Variants in EFNA5 observed in about 807,000 individuals in gnomAD.
The protein encoded by EFNA5 is ephrin-A5.
EFNA5 carries 5 observed loss-of-function variants against 22.9 expected under a neutral mutation model. The ratio of observed to expected loss-of-function variants is 0.22; its 90% CI spans 0.11 to 0.46. The LOEUF (loss-of-function observed/expected upper bound fraction) is 0.46, where lower values mean the gene tolerates loss of function less well. Ranked by LOEUF, EFNA5 falls within the 20% of genes least tolerant of loss-of-function variation. The pLI is 0.99. For synonymous variants in EFNA5, 113 were observed against 112.2 expected (o/e 1.01, Z -0.04); for missense variants, 237 against 293.3 (o/e 0.81, Z 1.40).
chr5:107,650,552 T>A (rs950190711), intron 1 of EFNA5, among the ~76,000 whole-genome samples: 1 of 152,186 alleles, frequency 6.6e-6, no homozygotes, highest in African/African-American at 2.4e-5. Context: ...AAATGATTAT[T>A]TCTTGCTCAA....
intron 1 of EFNA5, among the ~76,000 whole-genome samples, chr5:107,600,882 G>A (rs1749578156): frequency 6.6e-6 from 1 of 152,134 alleles, no homozygotes; most frequent in African/African-American, 2.4e-5. Context: ...GCTGAGGACA[G>A]GTTAGAGGAG....
chr5:107,666,735 G>A (rs1024733491), intron 1 of EFNA5, among the ~76,000 whole-genome samples: 1 of 152,058 alleles, frequency 6.6e-6, no homozygotes, highest in African/African-American at 2.4e-5. Flanking sequence ...ACCAGTAGGA[G>A]ATATGTTTAA....
chr5:107,553,854 AG>A (rs1748352470), intron 1 of EFNA5, among the ~76,000 whole-genome samples: 1 of 152,182 alleles, frequency 6.6e-6, no homozygotes, highest in African/African-American at 2.4e-5. Context: ...TTCTTCACAG[AG>A]TCAGTTAAAA....
chr5:107,455,067 C>G (rs146956081), intron 1 of EFNA5, among the ~76,000 whole-genome samples: 19 of 152,314 alleles, frequency 1.2e-4, no homozygotes, highest in African/African-American at 4.6e-4. Context: ...AAACCCTCAA[C>G]TGGTGCCTCC....
chr5:107,536,976 C>G (rs1747943434), intron 1 of EFNA5, among the ~76,000 whole-genome samples: 1 of 150,590 alleles, frequency 6.6e-6, no homozygotes, highest in Non-Finnish European at 1.5e-5. Context: ...GTGGTGGCGG[C>G]TGCCTGTAAT....
intron 1 of EFNA5, among the ~76,000 whole-genome samples, chr5:107,654,802 G>T (rs891682507): frequency 5.3e-5 from 8 of 152,112 alleles, no homozygotes; most frequent in Non-Finnish European, 1.2e-4. Context: ...AAAATAATGA[G>T]GTAAAAGGTG....
intron 1 of EFNA5, among the ~76,000 whole-genome samples, chr5:107,474,286 C>T (rs1750221599): frequency 6.6e-6 from 1 of 152,146 alleles, no homozygotes; most frequent in African/African-American, 2.4e-5. Flanking sequence ...AGGTACCTGC[C>T]GGCTGCATTA....
At chr5:107,625,439 C>G (rs1194645696) in intron 1 of EFNA5, among the ~76,000 whole-genome samples, 1 of 151,890 alleles carries the variant, frequency 6.6e-6, no homozygotes, top group Non-Finnish European at 1.5e-5. Context: ...AGGCAGCATG[C>G]CTTGTTGATT....
At chr5:107,474,187 T>C (rs27442) in intron 1 of EFNA5, among the ~76,000 whole-genome samples, 151,704 of 152,264 alleles carry the variant, frequency 1, 75,574 homozygotes, top group Middle Eastern at 1. Context: ...GATGATCAGA[T>C]GCCACTGGCT....
intron 2 of EFNA5, among the ~76,000 whole-genome samples, chr5:107,406,652 C>T (rs1748230700): frequency 6.6e-6 from 1 of 152,152 alleles, no homozygotes; most frequent in African/African-American, 2.4e-5. Flanking sequence ...ACTTTTCCAT[C>T]ATAGTACTTA....
intron 1 of EFNA5, among the ~76,000 whole-genome samples, chr5:107,482,911 T>TAC (rs140110437): frequency 1.2e-4 from 17 of 138,510 alleles, no homozygotes; most frequent in South Asian, 9.7e-4. Flanking sequence ...TATATACACA[T>TAC]ACACACACAC....
intron 1 of EFNA5, among the ~76,000 whole-genome samples, chr5:107,429,264 G>A (rs1015219660): frequency 3.3e-5 from 5 of 152,136 alleles, no homozygotes; most frequent in African/African-American, 7.2e-5. Flanking sequence ...CCAACATGGC[G>A]AAACCTTGTC....
chr5:107,443,515 T>C (rs1749313954), intron 1 of EFNA5, among the ~76,000 whole-genome samples: 1 of 152,196 alleles, frequency 6.6e-6, no homozygotes, highest in Non-Finnish European at 1.5e-5. Context: ...GAAACTACTG[T>C]ACAGTGCTGT....
intron 2 of EFNA5, among the ~76,000 whole-genome samples, chr5:107,425,470 C>T (rs1012624908): frequency 6.6e-6 from 1 of 152,174 alleles, no homozygotes; most frequent in Admixed American, 6.5e-5. Flanking sequence ...AAGTCCTCCT[C>T]TTTCCTTTTT....
chr5:107,569,746 G>A (rs1263647995), intron 1 of EFNA5, among the ~76,000 whole-genome samples: 3 of 147,236 alleles, frequency 2.0e-5, no homozygotes, highest in Non-Finnish European at 3.0e-5. Context: ...CAGCTACTTG[G>A]GAGGCTGAGG....
At chr5:107,419,359 A>G (rs1260723351) in intron 2 of EFNA5, among the ~76,000 whole-genome samples, 4 of 152,216 alleles carry the variant, frequency 2.6e-5, no homozygotes, top group Admixed American at 1.3e-4. Context: ...AAAAAGGTGC[A>G]TTATTGCAGC....
intron 1 of EFNA5, among the ~76,000 whole-genome samples, chr5:107,458,038 A>G (rs1372715786): frequency 6.6e-6 from 1 of 152,144 alleles, no homozygotes; most frequent in Non-Finnish European, 1.5e-5. Context: ...TCCAAATCCC[A>G]TGCTGTTCCC....
At chr5:107,596,712 G>A (rs6596741) in intron 1 of EFNA5, among the ~76,000 whole-genome samples, 80,755 of 151,786 alleles carry the variant, frequency 0.53, 24,213 homozygotes, top group African/African-American at 0.8. Context: ...CTCTCTCCCA[G>A]CAAAAGGAGG....
chr5:107,452,044 A>G (rs1184574262), intron 1 of EFNA5, among the ~76,000 whole-genome samples: 1 of 152,244 alleles, frequency 6.6e-6, no homozygotes, highest in Non-Finnish European at 1.5e-5. Flanking sequence ...CTATGCAGCC[A>G]TAAAAAGGAA....
Sources: allele counts gnomAD v4.1 joint callset (sites outside exome capture counted in the v4.1 genomes callset), GRCh38; gene constraint gnomAD v4.1.1; transcripts MANE v1.5; gene names NCBI Gene and HGNC (gene_info 2026-07-23, HGNC 2026-07-21).